PLCB1: variants seen among roughly 807,000 people sequenced by gnomAD.
PLCB1 encodes phospholipase C beta 1.
A neutral mutation model predicts 161.8 loss-of-function variants in PLCB1; 46 were observed. The observed-to-expected ratio is 0.28, with a 90% confidence interval of 0.22 to 0.36. The LOEUF (loss-of-function observed/expected upper bound fraction) is 0.36. Among genes scored for constraint, PLCB1 ranks in the 10% least tolerant of loss-of-function variants. PLCB1 has a pLI of 1.00. For missense variants in PLCB1, 1,016 were observed against 1,472.5 expected (o/e 0.69, Z 5.07); for synonymous variants, 517 against 503.7 (o/e 1.03, Z -0.35).
In PLCB1 at chr20:8,658,575, A is replaced by T. The variant is rs1323446827; in HGVS notation, c.733A>T (p.Met245Leu). The change falls in exon 9 of 32, where the codon ATG becomes TTG. Residue 245 changes from methionine (M) to leucine (L), a missense_variant. By Grantham distance (15) the Met-to-Leu change is conservative (BLOSUM62 2). Coordinates refer to ENST00000338037, the MANE Select transcript of PLCB1 (RefSeq NM_015192.4). ...KSKPYLTVDQ[M>L]MDFINLKQRD... ...CAAACCATATCTTACCGTTGATCAG[A>T]TGATGGATTTTATCAACCTTAAGCA... The T allele has an allele frequency of 6.2e-7, 1 of 1,612,398 alleles. No individual in the cohort carries two copies. The highest frequency in any genetic ancestry group is 8.5e-7 in the Non-Finnish European group (1 of 1,179,296).
In PLCB1 at chr20:8,171,965, G is replaced by A. The variant is rs118173899; in HGVS notation, c.177+21594G>A. ...TGTTCACTTCTCTGGGAACTGTCCC[G>A]TCTGTTGTTGCGTATCATATGTTCT... is the stretch of plus-strand genomic sequence containing the variant. On this transcript the variant is annotated intron_variant, in intron 2 of 31. Coordinates refer to ENST00000338037, the MANE Select transcript of PLCB1 (RefSeq NM_015192.4). 2.3e-3 allele frequency among the ~76,000 whole-genome samples: 349 copies of A among 152,218 alleles called. 1 individual carries two copies. Among genetic ancestry groups the A allele is most frequent in the Non-Finnish European group, 4.0e-3 (269 of 68,002 alleles).
intron 24 of PLCB1, among the ~76,000 whole-genome samples, chr20:8,758,993 A>T (rs1464199658): frequency 6.6e-6 from 1 of 152,182 alleles, no homozygotes; most frequent in East Asian, 1.9e-4. Context: ...TTTCTACAGT[A>T]ATGTCCTTTT....
intron 3 of PLCB1, among the ~76,000 whole-genome samples, chr20:8,516,664 C>CATATATAT (rs57237224): frequency 1.2e-4 from 9 of 72,244 alleles, no homozygotes; most frequent in South Asian, 6.3e-4. Context: ...AATATAACAT[C>CATATATAT]ATATATATAT....
chr20:8,154,135 TAA>T (rs1568571752), intron 2 of PLCB1, among the ~76,000 whole-genome samples: 1 of 152,182 alleles, frequency 6.6e-6, no homozygotes, highest in African/African-American at 2.4e-5. Flanking sequence ...ATTTTTATAC[TAA>T]GTCACATCAT....
intron 3 of PLCB1, among the ~76,000 whole-genome samples, chr20:8,388,015 G>A (rs1300588725): frequency 1.3e-5 from 2 of 150,258 alleles, no homozygotes; most frequent in African/African-American, 2.4e-5. Flanking sequence ...CTGAGAAGGA[G>A]CAACCAGTGA....
chr20:8,864,871 G>T (rs1987373517), intron 31 of PLCB1, among the ~76,000 whole-genome samples: 1 of 152,176 alleles, frequency 6.6e-6, no homozygotes, highest in South Asian at 2.1e-4. Flanking sequence ...TAGGTTGAGT[G>T]TTCTGAAGAA....
chr20:8,414,558 G>A (rs766204011), intron 3 of PLCB1, among the ~76,000 whole-genome samples: 3 of 152,198 alleles, frequency 2.0e-5, no homozygotes, highest in Non-Finnish European at 4.4e-5. Flanking sequence ...ATTGGGGAAT[G>A]TGAGAAATAG....
intron 3 of PLCB1, among the ~76,000 whole-genome samples, chr20:8,539,660 CT>C (rs979239869): frequency 1.1e-5 from 1 of 94,180 alleles, no homozygotes; most frequent in Admixed American, 1.3e-4. Flanking sequence ...TTCTTTCTTT[CT>C]TTCTTTCTTT....
chr20:8,721,990 G>A lies in PLCB1; in HGVS notation c.1514-364G>A, dbSNP rs115358225. ...GGGGTCATAGAGACCCTGAGAGAGT[G>A]TTTGTATATCAAAATAGAATACATG... is the stretch of plus-strand genomic sequence containing the variant. On this transcript the variant is annotated intron_variant, in intron 14 of 31. Coordinates refer to ENST00000338037, the MANE Select transcript of PLCB1 (RefSeq NM_015192.4). Among the ~76,000 whole-genome samples, 725 of 152,234 alleles carry A rather than the reference G, an allele frequency of 4.8e-3. 5 individuals are homozygous for A. Among genetic ancestry groups the A allele is most frequent in the African/African-American group, 0.016 (646 of 41,546 alleles).
In PLCB1 at chr20:8,150,300, A is replaced by G. The variant is rs377750225; in HGVS notation, c.106A>G (p.Thr36Ala). 6.8e-7 allele frequency: 1 copy of G among 1,472,086 alleles called. No individual in the cohort carries two copies. The allele number at this position is 1,472,086 out of a possible 1,614,324, so 91.2% of individuals were successfully genotyped here. Residue 36 changes from threonine (T) to alanine (A), a missense_variant, in exon 2 of 32, where the codon ACT becomes GCT. By Grantham distance (58) the Thr-to-Ala change is moderately conservative (BLOSUM62 0). Transcript: ENST00000338037. ...TKFVKWDDDS[T>A]IVTPIILRTD... ...TTTCTTCTTACATTTCTAGGACTCA[A>G]CTATTGTTACTCCAATTATTTTGAG...
At chr20:8,744,321 T>G (rs574516302) in intron 23 of PLCB1, among the ~76,000 whole-genome samples, 1 of 152,344 alleles carries the variant, frequency 6.6e-6, no homozygotes, top group East Asian at 1.9e-4. Flanking sequence ...TTTAACCCAT[T>G]AGTTAGCCAT....
chr20:8,320,373 G>C (rs1411483751), intron 2 of PLCB1, among the ~76,000 whole-genome samples: 1 of 152,182 alleles, frequency 6.6e-6, no homozygotes, highest in Non-Finnish European at 1.5e-5. Context: ...TAATTTTTAG[G>C]AGGTAAGTAT....
chr20:8,375,422 T>G (rs1310318144), intron 3 of PLCB1, among the ~76,000 whole-genome samples: 1 of 152,222 alleles, frequency 6.6e-6, no homozygotes, highest in African/African-American at 2.4e-5. Flanking sequence ...CAGTGGCTCA[T>G]GTGCAGCTTT....
intron 3 of PLCB1, among the ~76,000 whole-genome samples, chr20:8,541,605 A>AAAGAAAGAAAAAAAGAAAGAAAGAAAGG (rs796318352): frequency 6.7e-6 from 1 of 149,876 alleles, no homozygotes; most frequent in Non-Finnish European, 1.5e-5. Context: ...AGAAAGAAAG[A>AAAGAAAGAAAAAAAGAAAGAAAGAAAGG]AAGGAAGGAA....
chr20:8,627,809 CTG>C (rs1359226565), intron 3 of PLCB1, among the ~76,000 whole-genome samples: 5 of 152,344 alleles, frequency 3.3e-5, no homozygotes, highest in Admixed American at 6.5e-5. Flanking sequence ...CACGCTAATT[CTG>C]TGTCTCTTTG....
intron 31 of PLCB1, among the ~76,000 whole-genome samples, chr20:8,858,549 G>A (rs1318850832): frequency 6.6e-6 from 1 of 152,096 alleles, no homozygotes; most frequent in Non-Finnish European, 1.5e-5. Flanking sequence ...GGGAGTCTTG[G>A]ACCTTTTCCA....
intron 31 of PLCB1, among the ~76,000 whole-genome samples, chr20:8,821,132 T>G (rs916800097): frequency 6.6e-6 from 1 of 152,088 alleles, no homozygotes; most frequent in Non-Finnish European, 1.5e-5. Flanking sequence ...TACTCAATAT[T>G]GAAGAGATCA....
At chr20:8,533,825 T>A (rs1600134240) in intron 3 of PLCB1, among the ~76,000 whole-genome samples, 2 of 152,154 alleles carry the variant, frequency 1.3e-5, no homozygotes, top group African/African-American at 4.8e-5. Flanking sequence ...GCCTGTTCAC[T>A]CTGATGGTAG....
At chr20:8,447,173 G>A (rs1980872165) in intron 3 of PLCB1, among the ~76,000 whole-genome samples, 1 of 152,092 alleles carries the variant, frequency 6.6e-6, no homozygotes, top group Non-Finnish European at 1.5e-5. Context: ...GACCACATAT[G>A]GTGACATGCT....
Sources: gnomAD v4.1 joint callset for allele counts (sites outside exome capture counted in the v4.1 genomes callset) on GRCh38, gnomAD v4.1.1 for gene constraint, MANE v1.5 for transcripts, NCBI Gene and HGNC (gene_info 2026-07-23, HGNC 2026-07-21) for gene names.